Variants in SMARCAL1 observed in about 807,000 individuals in gnomAD.
SMARCAL1 encodes the protein ATP-driven annealing helicase.
SMARCAL1 carries 58 observed loss-of-function variants against 94.5 expected under a neutral mutation model. That is an observed-to-expected ratio of 0.61 (90% confidence interval 0.50 to 0.76). SMARCAL1 has a LOEUF of 0.76. Among genes scored for constraint, SMARCAL1 ranks in the 30% least tolerant of loss-of-function variants. The pLI is 0.00. For synonymous variants in SMARCAL1, 422 were observed against 455.1 expected, an observed-to-expected ratio of 0.93 and a Z score of 0.93; for missense variants, 1,051 against 1,177.9, an observed-to-expected ratio of 0.89 and a Z score of 1.58.
At chr2:216,464,197 T>C (rs1472213268) in intron 12 of SMARCAL1, among the ~76,000 whole-genome samples, 1 of 152,074 alleles carries the variant, frequency 6.6e-6, no homozygotes, top group Admixed American at 6.6e-5. Flanking sequence ...AAAAAGCAAG[T>C]TGGGGAAATG....
intron 4 of SMARCAL1, among the ~76,000 whole-genome samples, chr2:216,419,509 G>A (rs1453948169): frequency 6.6e-6 from 1 of 152,102 alleles, no homozygotes; most frequent in Non-Finnish European, 1.5e-5. Flanking sequence ...ATGAAATAAT[G>A]TTCAGAACTG....
At chr2:216,462,575 A>C (rs570548249) in intron 12 of SMARCAL1, among the ~76,000 whole-genome samples, 48 of 152,322 alleles carry the variant, frequency 3.2e-4, no homozygotes, top group African/African-American at 1.1e-3. Flanking sequence ...TGCCACTGCC[A>C]AGACACATGT....
chr2:216,434,383 T>C (rs942152831), intron 8 of SMARCAL1, among the ~76,000 whole-genome samples: 1 of 152,178 alleles, frequency 6.6e-6, no homozygotes, highest in African/African-American at 2.4e-5. Flanking sequence ...CTCGTCATCA[T>C]CAATAAATGT....
chr2:216,420,397 G>C lies in SMARCAL1; in HGVS notation c.961G>C (p.Gly321Arg), dbSNP rs371378288. Residue 321 changes from glycine (G) to arginine (R), a missense_variant, in exon 5 of 18, where the codon GGC becomes CGC. Physicochemically the swap from Gly to Arg is moderately radical, Grantham distance 125. Coordinates refer to ENST00000357276, the MANE Select transcript of SMARCAL1 (RefSeq NM_014140.4). ...CTCCACCAGCAGTGAGGGACAGGCC[G>C]GCCTTCCATCAGCTCCATCCCTTTC... ...SPSTSSEGQA[G>R]LPSAPSLSFV... is the part of the protein sequence containing the mutation. The C allele has an allele frequency of 3.1e-6, 5 of 1,614,042 alleles. No individual in the cohort carries two copies. The African/African-American group carries it at 5.3e-5, about 17-fold the overall frequency.
At chr2:216,451,664 A>G (rs1228364065) in intron 12 of SMARCAL1, 1 of 163,306 alleles carries the variant, frequency 6.1e-6, no homozygotes, top group Non-Finnish European at 1.3e-5. Flanking sequence ...TCCACCACAG[A>G]GCTGAGGCTA....
intron 14 of SMARCAL1, among the ~76,000 whole-genome samples, chr2:216,468,726 G>A (rs761557361): frequency 6.6e-6 from 1 of 151,964 alleles, no homozygotes; most frequent in Non-Finnish European, 1.5e-5. Flanking sequence ...TTATTTCAAG[G>A]TTTTTTTATT....
At chr2:216,469,525 C>A (rs902592946) in intron 14 of SMARCAL1, among the ~76,000 whole-genome samples, 2 of 152,068 alleles carry the variant, frequency 1.3e-5, no homozygotes, top group Non-Finnish European at 2.9e-5. Context: ...ACCTCATGAT[C>A]CGCCCGCCTC....
intron 3 of SMARCAL1, 23 bp downstream of exon 3, chr2:216,415,538 G>GTTT: frequency 8.8e-5 from 123 of 1,399,178 alleles, no homozygotes; most frequent in Non-Finnish European, 1.1e-4. Flanking sequence ...TTTTTCAGCT[G>GTTT]TTTTTTTTTT....
intron 12 of SMARCAL1, among the ~76,000 whole-genome samples, chr2:216,460,004 C>A (rs544221069): frequency 8.6e-4 from 131 of 152,302 alleles, no homozygotes; most frequent in African/African-American, 3.1e-3. Flanking sequence ...AAACGAACAA[C>A]CCCATCAACA....
intron 12 of SMARCAL1, among the ~76,000 whole-genome samples, chr2:216,462,157 A>T (rs183916169): frequency 1.7e-4 from 26 of 152,230 alleles, no homozygotes; most frequent in Non-Finnish European, 3.4e-4. Flanking sequence ...GTTTCTTCAT[A>T]CTCTCATCAA....
intron 5 of SMARCAL1, 119 bp from the exon 6 acceptor site, chr2:216,423,514 G>A (rs1693768721): frequency 2.4e-6 from 2 of 842,100 alleles, no homozygotes; most frequent in African/African-American, 1.7e-5. Flanking sequence ...TACAGGACCA[G>A]CTGCCACATT....
chr2:216,461,463 C>A (rs573806521), intron 12 of SMARCAL1, among the ~76,000 whole-genome samples: 8 of 151,944 alleles, frequency 5.3e-5, no homozygotes, highest in South Asian at 4.1e-4. Flanking sequence ...ATCATACAAA[C>A]ACGTCAAGTG....
At chr2:216,462,817 C>G (rs1694733817) in intron 12 of SMARCAL1, among the ~76,000 whole-genome samples, 1 of 135,652 alleles carries the variant, frequency 7.4e-6, no homozygotes, top group Non-Finnish European at 1.5e-5. Context: ...GAGATCCTGT[C>G]TCTACAAAAA....
At chr2:216,456,333 A>G (rs1422792536) in intron 12 of SMARCAL1, among the ~76,000 whole-genome samples, 1 of 152,222 alleles carries the variant, frequency 6.6e-6, no homozygotes, top group Non-Finnish European at 1.5e-5. Flanking sequence ...CAAATTCAGT[A>G]AATACAGAGA....
At chr2:216,465,980 T>G (rs1694822102) in intron 13 of SMARCAL1, among the ~76,000 whole-genome samples, 1 of 152,162 alleles carries the variant, frequency 6.6e-6, no homozygotes, top group Non-Finnish European at 1.5e-5. Flanking sequence ...GGCACTGCCC[T>G]TTTCATTTAT....
At chr2:216,434,361 G>A (rs556421700) in intron 8 of SMARCAL1, among the ~76,000 whole-genome samples, 4 of 152,270 alleles carry the variant, frequency 2.6e-5, no homozygotes, top group Admixed American at 6.5e-5. Context: ...TAGAAATATC[G>A]ACATAAGTAG....
At chr2:216,454,361 C>A (rs1367116723) in intron 12 of SMARCAL1, among the ~76,000 whole-genome samples, 2 of 152,216 alleles carry the variant, frequency 1.3e-5, no homozygotes, top group East Asian at 1.9e-4. Context: ...AAAATACTTA[C>A]AATCAGTAAC....
chr2:216,462,170 C>T (rs1694720733), intron 12 of SMARCAL1, among the ~76,000 whole-genome samples: 1 of 152,228 alleles, frequency 6.6e-6, no homozygotes, highest in Non-Finnish European at 1.5e-5. Context: ...CTCATCAACT[C>T]TAGGTGCTAA....
chr2:216,423,710 TATCATGCTATTGTTAAGCTTTAA>T, intron 6 of SMARCAL1, 27 bp downstream of exon 6: 8 of 1,574,116 alleles, frequency 5.1e-6, no homozygotes, highest in Non-Finnish European at 7.0e-6. Context: ...ACTTGTTTTA[TATCATGCTATTGTTAAGCTTTAA>T]TAATTCACCT....
Sources: gnomAD v4.1 joint callset for allele counts (sites outside exome capture counted in the v4.1 genomes callset) on GRCh38, gnomAD v4.1.1 for gene constraint, MANE v1.5 for transcripts, NCBI Gene and HGNC (gene_info 2026-07-23, HGNC 2026-07-21) for gene names.